Variants in CFAP119 observed in about 807,000 individuals in gnomAD.
CFAP119 encodes the protein cilia- and flagella-associated protein 119.
chr16:30,761,271 C>T, the CFAP119 span: 1 of 1,613,300 alleles, frequency 6.2e-7, no homozygotes, highest in Non-Finnish European at 8.5e-7. Context: ...CTGCGGTGTC[C>T]TGGCCCGTAG....
At chr16:30,760,599 TC>T in the CFAP119 span, 2 of 1,559,148 alleles carry the variant, frequency 1.3e-6, no homozygotes, top group African/African-American at 2.7e-5. Context: ...CCCCCCTCAG[TC>T]CCTACTCCCT....
the CFAP119 span, chr16:30,761,272 T>C: frequency 8.1e-6 from 13 of 1,613,092 alleles, no homozygotes; most frequent in Non-Finnish European, 1.1e-5. Context: ...TGCGGTGTCC[T>C]GGCCCGTAGC....
chr16:30,759,595 C>T, the CFAP119 span: 2 of 1,614,086 alleles, frequency 1.2e-6, no homozygotes, highest in South Asian at 1.1e-5. Flanking sequence ...GTGAGAGAGA[C>T]TGGGTGAGAC....
chr16:30,761,854 C>T, the CFAP119 span: 145 of 1,129,568 alleles, frequency 1.3e-4, no homozygotes, highest in East Asian at 3.7e-3. Flanking sequence ...GTTCGCCTCG[C>T]TCCGGCCAAT....
the CFAP119 span, chr16:30,761,178 T>A: frequency 6.2e-7 from 1 of 1,613,228 alleles, no homozygotes; most frequent in South Asian, 1.1e-5. Flanking sequence ...TCAGTGTAAT[T>A]TTTGTCTCTT....
the CFAP119 span, chr16:30,762,026 G>A: frequency 1.8e-5 from 9 of 495,720 alleles, no homozygotes; most frequent in African/African-American, 1.8e-4. Flanking sequence ...AGTTGCGAGT[G>A]CCCACCTGGG....
chr16:30,760,047 C>G, the CFAP119 span: 1 of 1,520,132 alleles, frequency 6.6e-7, no homozygotes, highest in Non-Finnish European at 8.8e-7. Context: ...TTATTGTGCA[C>G]TATGCATATA....
the CFAP119 span, chr16:30,761,406 G>C: frequency 1.4e-6 from 2 of 1,387,100 alleles, no homozygotes; most frequent in Non-Finnish European, 2.0e-6. Flanking sequence ...AGTAACCACC[G>C]GGGTCACACA....
chr16:30,758,894 T>A, the CFAP119 span: 1 of 1,494,646 alleles, frequency 6.7e-7, no homozygotes, highest in Non-Finnish European at 8.9e-7. Context: ...GCATAAGGGA[T>A]CATTTAGAGA....
chr16:30,759,134 C>T, the CFAP119 span: 2 of 1,614,166 alleles, frequency 1.2e-6, no homozygotes, highest in East Asian at 2.2e-5. Context: ...GACTGTGGCC[C>T]CAGGCCTGGC....
At chr16:30,757,645 T>A in the CFAP119 span, 1 of 1,612,476 alleles carries the variant, frequency 6.2e-7, no homozygotes, top group African/African-American at 1.3e-5. Flanking sequence ...TCGGAGGACG[T>A]GGATGTGGCC....
At chr16:30,759,467 G>A in the CFAP119 span, 11 of 1,614,216 alleles carry the variant, frequency 6.8e-6, no homozygotes, top group South Asian at 2.2e-5. Context: ...CGCTGTGGTG[G>A]TGACTCGGAA....
At chr16:30,759,353 A>C in the CFAP119 span, 2 of 1,613,910 alleles carry the variant, frequency 1.2e-6, no homozygotes, top group Non-Finnish European at 1.7e-6. Context: ...TGGGGTGTGA[A>C]GACGTATTTA....
chr16:30,761,816 T>G, the CFAP119 span: 3 of 1,403,048 alleles, frequency 2.1e-6, no homozygotes, highest in Non-Finnish European at 2.8e-6. Flanking sequence ...CAGCCAGCGC[T>G]CGGTCGGCGG....
At chr16:30,760,156 TATG>T in the CFAP119 span, 50 of 1,583,562 alleles carry the variant, frequency 3.2e-5, no homozygotes, top group Middle Eastern at 1.7e-4. Flanking sequence ...ATGGCTTGTG[TATG>T]ATGATGCTAC....
the CFAP119 span, chr16:30,758,970 T>G: frequency 5.6e-6 from 9 of 1,612,012 alleles, no homozygotes; most frequent in Non-Finnish European, 7.6e-6. Flanking sequence ...ATTCTACACC[T>G]GCTCAGAGGG....
chr16:30,760,241 C>T, the CFAP119 span: 1 of 1,613,818 alleles, frequency 6.2e-7, no homozygotes, highest in South Asian at 1.1e-5. Flanking sequence ...GGCCCGGTTC[C>T]TCTTCTCCCT....
the CFAP119 span, chr16:30,760,691 G>A: frequency 1.9e-6 from 3 of 1,548,502 alleles, no homozygotes; most frequent in Non-Finnish European, 2.6e-6. Context: ...AAGAAAAAGA[G>A]TATTGGTGGC....
chr16:30,761,626 C>T, the CFAP119 span: 1 of 1,536,010 alleles, frequency 6.5e-7, no homozygotes, highest in South Asian at 1.2e-5. Flanking sequence ...TCGCACGCGT[C>T]CGCGCGGCCG....
Sources: gnomAD v4.1 joint callset for allele counts on GRCh38, gnomAD v4.1.1 for gene constraint, MANE v1.5 for transcripts, NCBI Gene and HGNC (gene_info 2026-07-23, HGNC 2026-07-21) for gene names.